Variants in SHISA9 observed in about 807,000 individuals in gnomAD.
The protein encoded by SHISA9 is protein shisa-9.
SHISA9 carries 13 observed loss-of-function variants against 38.0 expected under a neutral mutation model. That is an observed-to-expected ratio of 0.34 (90% CI 0.22 to 0.54). SHISA9 has a LOEUF of 0.54. Ranked by LOEUF, SHISA9 falls within the 20% of genes least tolerant of loss-of-function variation. SHISA9 has a pLI of 0.91. For missense variants in SHISA9, 538 were observed against 575.8 expected, an observed-to-expected ratio of 0.93 and a Z score of 0.67; for synonymous variants, 275 against 242.0, an observed-to-expected ratio of 1.14 and a Z score of -1.27.
At chr16:12,972,604 C>T (rs2072099418) in intron 2 of SHISA9, among the ~76,000 whole-genome samples, 1 of 152,192 alleles carries the variant, frequency 6.6e-6, no homozygotes, top group Non-Finnish European at 1.5e-5. Context: ...ATATAGCAGG[C>T]ACTAATCTTA....
chr16:13,514,271 G>C, the SHISA9 span, among the ~76,000 whole-genome samples: 1 of 151,882 alleles, frequency 6.6e-6, no homozygotes, highest in African/African-American at 2.4e-5. Flanking sequence ...GGGATTATAG[G>C]CTTGAGCCAC....
the SHISA9 span, among the ~76,000 whole-genome samples, chr16:13,414,534 A>T: frequency 6.6e-6 from 1 of 152,154 alleles, no homozygotes; most frequent in Non-Finnish European, 1.5e-5. Context: ...AGGCTCAGAG[A>T]AGTAAAAAGA....
At chr16:13,460,150 C>T in the SHISA9 span, among the ~76,000 whole-genome samples, 30 of 152,052 alleles carry the variant, frequency 2.0e-4, no homozygotes, top group Non-Finnish European at 3.1e-4. Context: ...TACTGCATAC[C>T]CATCAATCCT....
the SHISA9 span, among the ~76,000 whole-genome samples, chr16:13,533,547 C>T: frequency 1.3e-5 from 2 of 152,122 alleles, no homozygotes; most frequent in East Asian, 3.9e-4. Flanking sequence ...GTATAAGGAC[C>T]TCTTCATCAC....
chr16:13,261,776 C>T, the SHISA9 span, among the ~76,000 whole-genome samples: 193 of 152,260 alleles, frequency 1.3e-3, no homozygotes, highest in Non-Finnish European at 2.3e-3. Context: ...TGGATATGGG[C>T]TGGTGATCAT....
the SHISA9 span, among the ~76,000 whole-genome samples, chr16:13,284,745 G>A: frequency 0.021 from 3,245 of 152,136 alleles, 50 homozygotes; most frequent in Middle Eastern, 0.058. Context: ...TTACAGGTAC[G>A]TGCCACCATG....
At chr16:13,473,349 C>CTTTTTTTTTTTTT in the SHISA9 span, among the ~76,000 whole-genome samples, 54 of 73,888 alleles carry the variant, frequency 7.3e-4, no homozygotes, top group East Asian at 1.2e-3. Context: ...TTCTTTCTTT[C>CTTTTTTTTTTTTT]TTTTTTTTTT....
At chr16:13,043,231 C>T (rs2073151788) in intron 2 of SHISA9, among the ~76,000 whole-genome samples, 2 of 152,070 alleles carry the variant, frequency 1.3e-5, no homozygotes, top group African/African-American at 2.4e-5. Context: ...TGGCATATCC[C>T]GTGGGAGGTC....
the SHISA9 span, among the ~76,000 whole-genome samples, chr16:13,441,548 T>G: frequency 1.3e-5 from 2 of 152,132 alleles, no homozygotes; most frequent in Admixed American, 1.3e-4. Flanking sequence ...TCAATGCCCT[T>G]TGTTTTGGGT....
chr16:13,505,828 C>T, the SHISA9 span, among the ~76,000 whole-genome samples: 1 of 152,318 alleles, frequency 6.6e-6, no homozygotes, highest in South Asian at 2.1e-4. Flanking sequence ...GGGTTGGTTG[C>T]AGAAACCTTT....
At chr16:12,978,059 C>A (rs546292492) in intron 2 of SHISA9, among the ~76,000 whole-genome samples, 3 of 152,046 alleles carry the variant, frequency 2.0e-5, no homozygotes, top group Non-Finnish European at 4.4e-5. Flanking sequence ...AGGATTTTTG[C>A]AGAGGGACTA....
At chr16:13,146,289 T>G (rs769298132) in intron 2 of SHISA9, among the ~76,000 whole-genome samples, 10 of 152,252 alleles carry the variant, frequency 6.6e-5, no homozygotes, top group Non-Finnish European at 1.5e-4. Flanking sequence ...GAAGCCAGGT[T>G]TCCTGCATTC....
chr16:13,225,571 C>T (rs905733931), intron 4 of SHISA9, among the ~76,000 whole-genome samples: 5 of 152,170 alleles, frequency 3.3e-5, no homozygotes, highest in African/African-American at 1.2e-4. Flanking sequence ...TTGGTTGGGG[C>T]ATTGCTTACC....
intron 4 of SHISA9, among the ~76,000 whole-genome samples, chr16:13,214,062 C>A (rs952071816): frequency 6.6e-6 from 1 of 152,184 alleles, no homozygotes; most frequent in Non-Finnish European, 1.5e-5. Flanking sequence ...CAGTCTGACC[C>A]TTATTCTAAG....
chr16:13,375,992 A>T, the SHISA9 span, among the ~76,000 whole-genome samples: 2 of 152,228 alleles, frequency 1.3e-5, no homozygotes, highest in Non-Finnish European at 2.9e-5. Flanking sequence ...AAATCTTAAA[A>T]TTGGAAAACT....
intron 2 of SHISA9, among the ~76,000 whole-genome samples, chr16:13,188,994 A>G (rs2050856968): frequency 1.3e-5 from 2 of 152,122 alleles, no homozygotes; most frequent in South Asian, 4.1e-4. Flanking sequence ...CCATGTGAAG[A>G]CAGAAGCAGA....
the SHISA9 span, among the ~76,000 whole-genome samples, chr16:13,354,194 T>C: frequency 6.9e-6 from 1 of 144,926 alleles, no homozygotes; most frequent in Admixed American, 7.0e-5. Context: ...CACTGAGAAG[T>C]TATTTCCTTC....
At chr16:13,354,191 A>T in the SHISA9 span, among the ~76,000 whole-genome samples, 1 of 145,654 alleles carries the variant, frequency 6.9e-6, no homozygotes, top group Non-Finnish European at 1.5e-5. Flanking sequence ...GAACACTGAG[A>T]AGTTATTTCC....
rs1250979418 is a variant in SHISA9, at chr16:12,970,364, TATATACATATATATATAC to T, written c.691+53555_691+53572del. ...ATATACATATATGTGTATATATATA[TATATACATATATATATAC>T]ATATATGTATATATATATATACATA... On this transcript the variant is annotated intron_variant, in intron 2 of 4. Transcript: ENST00000558583. 2.4e-4 allele frequency among the ~76,000 whole-genome samples: 21 copies of T among 86,338 alleles called. 2 individuals are homozygous for T. Among genetic ancestry groups the T allele is most frequent in the Non-Finnish European group, 4.6e-4 (21 of 45,200 alleles). The allele number at this position is 86,338 out of a possible 152,430, so 56.6% of individuals were successfully genotyped here.
Sources: gnomAD v4.1 joint callset for allele counts (sites outside exome capture counted in the v4.1 genomes callset) on GRCh38, gnomAD v4.1.1 for gene constraint, MANE v1.5 for transcripts, NCBI Gene and HGNC (gene_info 2026-07-23, HGNC 2026-07-21) for gene names.